The following FAF2 variants were observed in gnomAD, a reference collection of about 807,000 sequenced individuals.
FAF2 encodes the protein FAS-associated factor 2.
A neutral mutation model predicts 62.3 loss-of-function variants in FAF2; 9 were observed. That is an observed-to-expected ratio of 0.14 (90% confidence interval 0.09 to 0.25). The LOEUF (loss-of-function observed/expected upper bound fraction) is 0.25, where lower values mean the gene tolerates loss of function less well. Ranked by LOEUF, FAF2 falls within the 10% of genes least tolerant of loss-of-function variation. FAF2 has a pLI of 1.00. For synonymous variants in FAF2, 202 were observed against 198.0 expected (o/e 1.02, Z -0.17); for missense variants, 368 against 556.2 (o/e 0.66, Z 3.40).
chr5:176,463,666 A>G (rs1170592643), intron 1 of FAF2, among the ~76,000 whole-genome samples: 2 of 151,958 alleles, frequency 1.3e-5, no homozygotes, highest in Non-Finnish European at 2.9e-5. Context: ...AACCTAAGAA[A>G]GATGCCTGAG....
At chr5:176,466,167 G>C (rs1336873451) in intron 1 of FAF2, among the ~76,000 whole-genome samples, 1 of 152,196 alleles carries the variant, frequency 6.6e-6, no homozygotes, top group Non-Finnish European at 1.5e-5. Context: ...GTGTGTAAGA[G>C]TTTAAATTAC....
At chr5:176,481,543 G>C (rs75097276) in intron 2 of FAF2, among the ~76,000 whole-genome samples, 1 of 151,986 alleles carries the variant, frequency 6.6e-6, no homozygotes, top group Non-Finnish European at 1.5e-5. Context: ...TGTAGTCCCA[G>C]CTACTCGGGA....
intron 8 of FAF2, among the ~76,000 whole-genome samples, chr5:176,497,690 A>G (rs1755522033): frequency 6.6e-6 from 1 of 152,228 alleles, no homozygotes; most frequent in Non-Finnish European, 1.5e-5. Flanking sequence ...TCCTTAGATT[A>G]AAATTTAAAT....
chr5:176,468,351 G>A (rs1328144539), intron 1 of FAF2, among the ~76,000 whole-genome samples: 1 of 152,062 alleles, frequency 6.6e-6, no homozygotes, highest in Non-Finnish European at 1.5e-5. Flanking sequence ...TTGGGAGGCC[G>A]AGGCAGGTGG....
intron 2 of FAF2, among the ~76,000 whole-genome samples, chr5:176,481,293 A>G (rs568363990): frequency 6.6e-6 from 1 of 151,802 alleles, no homozygotes; most frequent in South Asian, 2.1e-4. Context: ...TGATCCACCC[A>G]CCTCCGCCTC....
rs534735233 is a variant in FAF2, at chr5:176,483,218, C to T, written c.133-3137C>T. On this transcript the variant is annotated intron_variant, in intron 2 of 10. Transcript: ENST00000261942. ...ACTACAGGTACATGCTATCTTGCCG[C>T]ATTCATGATAGTGTAATTTGATGCA... Among the ~76,000 whole-genome samples, 7 of 152,094 alleles carry T rather than the reference C, an allele frequency of 4.6e-5. 1 individual carries two copies. In the East Asian group the frequency reaches 1.2e-3, roughly 25 times the overall value.
chr5:176,478,717 G>A (rs1329181608), intron 1 of FAF2, among the ~76,000 whole-genome samples: 1 of 152,186 alleles, frequency 6.6e-6, no homozygotes, highest in Non-Finnish European at 1.5e-5. Context: ...ACGTTTTACT[G>A]AATGAGCATC....
intron 10 of FAF2, among the ~76,000 whole-genome samples, chr5:176,501,495 C>T (rs1013590277): frequency 6.6e-6 from 1 of 152,184 alleles, no homozygotes; most frequent in Admixed American, 6.5e-5. Flanking sequence ...TGAACTAGAA[C>T]TGTAATCTGC....
At chr5:176,483,482 G>A (rs1430996785) in intron 2 of FAF2, among the ~76,000 whole-genome samples, 1 of 152,080 alleles carries the variant, frequency 6.6e-6, no homozygotes, top group Non-Finnish European at 1.5e-5. Flanking sequence ...TTTTGCATGT[G>A]GATATCCAAT....
intron 1 of FAF2, among the ~76,000 whole-genome samples, chr5:176,472,436 C>T (rs979874797): frequency 5.3e-5 from 8 of 151,922 alleles, no homozygotes; most frequent in South Asian, 2.1e-4. Flanking sequence ...TGATCCACCA[C>T]GCCCAGCTTG....
At chr5:176,483,498 C>G (rs751838861) in intron 2 of FAF2, among the ~76,000 whole-genome samples, 7 of 152,228 alleles carry the variant, frequency 4.6e-5, no homozygotes, top group South Asian at 4.1e-4. Context: ...CCAATTATCC[C>G]AGCATCATTT....
intron 1 of FAF2, among the ~76,000 whole-genome samples, chr5:176,476,779 C>T (rs1758700052): frequency 1.3e-5 from 2 of 148,620 alleles, no homozygotes; most frequent in African/African-American, 2.5e-5. Context: ...GGACTACAGG[C>T]ACGCAGCACC....
At chr5:176,470,694 A>T (rs1183858659) in intron 1 of FAF2, among the ~76,000 whole-genome samples, 2 of 152,226 alleles carry the variant, frequency 1.3e-5, no homozygotes, top group African/African-American at 4.8e-5. Flanking sequence ...CTGAGTTATG[A>T]ATGCAACTGT....
At chr5:176,499,514 G>A (rs564856064) in intron 9 of FAF2, among the ~76,000 whole-genome samples, 2 of 151,292 alleles carry the variant, frequency 1.3e-5, no homozygotes, top group Non-Finnish European at 2.9e-5. Context: ...TTTTGTTGTT[G>A]TTTTTGTTCC....
chr5:176,479,705 T>G (rs562530459), intron 2 of FAF2, among the ~76,000 whole-genome samples: 1 of 152,164 alleles, frequency 6.6e-6, no homozygotes, highest in Admixed American at 6.5e-5. Context: ...GCCTCTGATT[T>G]TTTTTTTTTG....
chr5:176,462,949 A>G (rs892934675), intron 1 of FAF2, among the ~76,000 whole-genome samples: 36 of 152,344 alleles, frequency 2.4e-4, no homozygotes, highest in African/African-American at 8.7e-4. Context: ...GATAACAGAA[A>G]TACCTTCATT....
At chr5:176,475,548 G>A (rs1192846355) in intron 1 of FAF2, among the ~76,000 whole-genome samples, 14 of 152,172 alleles carry the variant, frequency 9.2e-5, no homozygotes, top group Non-Finnish European at 1.6e-4. Flanking sequence ...AGGCCGAGGC[G>A]GGTGGATCAC....
At position 176,494,758 on chromosome 5, in the gene FAF2, T is replaced by C. The variant is rs1237697549; in HGVS notation, c.661+483T>C. On this transcript the variant is annotated intron_variant, in intron 7 of 10. Transcript: ENST00000261942. This position sits in a 1 kb window ranked among gnomAD's most constrained non-coding sequence, Gnocchi z 4.0. Reference sequence around the variant, plus strand: ...TTTTAGTAGAGATGGGGTTTCACCATGTAGCCTCAAACTCCTGGACTCAAG... The same window carrying C: ...TTTTAGTAGAGATGGGGTTTCACCACGTAGCCTCAAACTCCTGGACTCAAG... Among the ~76,000 whole-genome samples the C allele has an allele frequency of 1.3e-5, 2 of 152,046 alleles. No homozygotes were observed. Among genetic ancestry groups the C allele is most frequent in the Admixed American group, 6.6e-5 (1 of 15,244 alleles).
rs551425803 is a variant in FAF2 at position 176,489,570 on chromosome 5, C to T, written c.344+543C>T. ...TTTTTGAAACAGAGTCTTGCTCTGT[C>T]GCTGTCACCCAGGCTAGAGTGCAGT... On this transcript the variant is annotated intron_variant, in intron 4 of 10. Coordinates refer to ENST00000261942, the MANE Select transcript of FAF2 (RefSeq NM_014613.3). 8.5e-5 allele frequency among the ~76,000 whole-genome samples: 13 copies of T among 152,210 alleles called. No individual in the cohort carries two copies. The South Asian group carries it at 1.2e-3, about 15-fold the overall frequency.
Sources: allele counts gnomAD v4.1 joint callset (sites outside exome capture counted in the v4.1 genomes callset), GRCh38; gene constraint gnomAD v4.1.1; non-coding constraint Gnocchi (gnomAD v3.1); transcripts MANE v1.5; gene names NCBI Gene and HGNC (gene_info 2026-07-23, HGNC 2026-07-21).